CSTPP1: variants seen among roughly 807,000 people sequenced by gnomAD.
CSTPP1 encodes the protein UPF0705 protein C11orf49.
chr11:47,109,162 A>G, the CSTPP1 span: 1 of 152,120 alleles, frequency 6.6e-6, no homozygotes, highest in African/African-American at 2.4e-5. Flanking sequence ...CTTTATCTTC[A>G]AAAGACAGGC....
the CSTPP1 span, among the ~76,000 whole-genome samples, chr11:47,107,748 C>T: frequency 1.3e-5 from 2 of 152,168 alleles, no homozygotes; most frequent in Non-Finnish European, 2.9e-5. Context: ...GGAATTGAAG[C>T]ACATTGAATT....
At chr11:47,162,738 A>G in the CSTPP1 span, among the ~76,000 whole-genome samples, 23 of 152,180 alleles carry the variant, frequency 1.5e-4, no homozygotes, top group African/African-American at 5.5e-4. Flanking sequence ...CAGAAGCCCA[A>G]GCAGAACAGG....
chr11:47,148,889 A>G, the CSTPP1 span, among the ~76,000 whole-genome samples: 1 of 152,212 alleles, frequency 6.6e-6, no homozygotes, highest in South Asian at 2.1e-4. Context: ...GGGTCAACTA[A>G]TCCAGAACTT....
chr11:46,973,250 AG>A, the CSTPP1 span, among the ~76,000 whole-genome samples: 1 of 152,108 alleles, frequency 6.6e-6, no homozygotes, highest in Non-Finnish European at 1.5e-5. Context: ...GCGCTAACCT[AG>A]GTCTGTGAAT....
chr11:47,034,555 C>T, the CSTPP1 span, among the ~76,000 whole-genome samples: 1 of 151,298 alleles, frequency 6.6e-6, no homozygotes, highest in South Asian at 2.1e-4. Flanking sequence ...AGGCTGGAGT[C>T]CAGTGGCATG....
the CSTPP1 span, among the ~76,000 whole-genome samples, chr11:47,034,303 T>C: frequency 6.6e-6 from 1 of 152,016 alleles, no homozygotes; most frequent in Non-Finnish European, 1.5e-5. Flanking sequence ...ACCAGCTTTA[T>C]AGATAAGGGC....
the CSTPP1 span, among the ~76,000 whole-genome samples, chr11:47,020,054 A>C: frequency 6.6e-6 from 1 of 152,232 alleles, no homozygotes; most frequent in East Asian, 1.9e-4. Context: ...GCTGTTTCTC[A>C]CACCTGAAAG....
chr11:47,037,973 GGC>G, the CSTPP1 span, among the ~76,000 whole-genome samples: 1 of 122,478 alleles, frequency 8.2e-6, no homozygotes, highest in Admixed American at 8.6e-5. Context: ...CCGGGCAGAG[GGC>G]TGACCCCCCC....
the CSTPP1 span, among the ~76,000 whole-genome samples, chr11:46,985,055 G>A: frequency 0.16 from 24,052 of 148,358 alleles, 6,424 homozygotes; most frequent in African/African-American, 0.55. Context: ...GAACTGTTGA[G>A]TTGAGGCACT....
the CSTPP1 span, among the ~76,000 whole-genome samples, chr11:47,025,683 A>G: frequency 1.3e-5 from 2 of 152,300 alleles, no homozygotes; most frequent in Middle Eastern, 6.8e-3. Context: ...TTTAGTTTTC[A>G]GTGAAATCTA....
the CSTPP1 span, chr11:47,137,707 G>A: frequency 6.2e-7 from 1 of 1,613,932 alleles, no homozygotes; most frequent in Non-Finnish European, 8.5e-7. Context: ...TTTCCCGCTG[G>A]AGCTCACTCA....
chr11:46,986,018 T>A, the CSTPP1 span, among the ~76,000 whole-genome samples: 1 of 152,130 alleles, frequency 6.6e-6, no homozygotes, highest in African/African-American at 2.4e-5. Flanking sequence ...AAATGTAAGG[T>A]CACTAAATCT....
the CSTPP1 span, among the ~76,000 whole-genome samples, chr11:46,979,931 G>A: frequency 3.3e-5 from 5 of 152,082 alleles, no homozygotes; most frequent in African/African-American, 1.2e-4. Flanking sequence ...AAAAGATTCT[G>A]TAGTTTCTGG....
chr11:46,998,972 C>T, the CSTPP1 span, among the ~76,000 whole-genome samples: 1 of 152,008 alleles, frequency 6.6e-6, no homozygotes, highest in Non-Finnish European at 1.5e-5. Context: ...GATTTCCTGA[C>T]CTTGTGATCC....
chr11:47,003,111 G>A, the CSTPP1 span, among the ~76,000 whole-genome samples: 2 of 152,260 alleles, frequency 1.3e-5, no homozygotes, highest in East Asian at 3.9e-4. Flanking sequence ...GGAGTTTGAG[G>A]CCATCCTGGG....
the CSTPP1 span, among the ~76,000 whole-genome samples, chr11:46,996,187 G>A: frequency 6.6e-6 from 1 of 151,952 alleles, no homozygotes; most frequent in African/African-American, 2.4e-5. Flanking sequence ...ATGTGAGATG[G>A]GTCTCCTGAA....
At chr11:46,999,219 GATAATA>G in the CSTPP1 span, among the ~76,000 whole-genome samples, 1 of 150,620 alleles carries the variant, frequency 6.6e-6, no homozygotes, top group Non-Finnish European at 1.5e-5. Flanking sequence ...AGCCTTACAT[GATAATA>G]ATAATAATAT....
chr11:47,041,317 A>G, the CSTPP1 span: 17 of 255,790 alleles, frequency 6.6e-5, 1 homozygote, highest in African/African-American at 3.5e-4. Context: ...GATAGAACTC[A>G]GGGATATATT....
the CSTPP1 span, among the ~76,000 whole-genome samples, chr11:47,086,254 A>AAAAAAAAAAG: frequency 1.4e-5 from 2 of 147,448 alleles, no homozygotes; most frequent in African/African-American, 2.5e-5. Context: ...AAAAAAAAAA[A>AAAAAAAAAAG]AAATAGCTGG....
Sources: gnomAD v4.1 joint callset for allele counts (sites outside exome capture counted in the v4.1 genomes callset) on GRCh38, gnomAD v4.1.1 for gene constraint, MANE v1.5 for transcripts, NCBI Gene and HGNC (gene_info 2026-07-23, HGNC 2026-07-21) for gene names.